Variants in MGAT4D observed in about 807,000 individuals in gnomAD.
The protein encoded by MGAT4D is MGAT4 family member D.
In MGAT4D, 34 loss-of-function variants were observed where a neutral mutation model predicts 15.9. That is an observed-to-expected ratio of 2.14 (90% CI 1.62 to 2.84). The LOEUF is 2.84. Ranked by LOEUF, MGAT4D falls within the 30% of genes most tolerant of loss-of-function variation. The pLI, the probability that MGAT4D is intolerant of heterozygous loss-of-function variation, is 0.00. For synonymous variants in MGAT4D, 112 were observed against 48.2 expected (o/e 2.33, Z -5.49); for missense variants, 327 against 140.2 (o/e 2.33, Z -6.73).
intron 1 of MGAT4D, among the ~76,000 whole-genome samples, chr4:140,486,591 T>C (rs1733151410): frequency 1.3e-5 from 2 of 152,202 alleles, no homozygotes; most frequent in Admixed American, 1.3e-4. Flanking sequence ...TCATATTATG[T>C]ATTGACTGCT....
chr4:140,456,287 T>C (rs1730793536), intron 9 of MGAT4D, among the ~76,000 whole-genome samples: 1 of 152,190 alleles, frequency 6.6e-6, no homozygotes, highest in Admixed American at 6.5e-5. Context: ...CCTGATGAAC[T>C]CTTAATAGTG....
intron 8 of MGAT4D, chr4:140,458,071 C>T (rs1260204773): frequency 8.5e-5 from 13 of 152,162 alleles, no homozygotes; most frequent in African/African-American, 2.2e-4. Context: ...CGAACTTTTA[C>T]GCACTGCTTA....
intron 3 of MGAT4D, among the ~76,000 whole-genome samples, chr4:140,479,110 T>C (rs1732527163): frequency 1.3e-5 from 2 of 152,212 alleles, no homozygotes; most frequent in Non-Finnish European, 1.5e-5. Context: ...AAACATCACC[T>C]GTTGTATAAG....
At chr4:140,492,457 G>C (rs1733560897) in intron 1 of MGAT4D, among the ~76,000 whole-genome samples, 1 of 152,094 alleles carries the variant, frequency 6.6e-6, no homozygotes, top group African/African-American at 2.4e-5. Context: ...GGTGAAACCT[G>C]TCTCTATGAA....
At chr4:140,443,656 G>T (rs919231424) in intron 10 of MGAT4D, among the ~76,000 whole-genome samples, 1 of 152,012 alleles carries the variant, frequency 6.6e-6, no homozygotes, top group Admixed American at 6.6e-5. Context: ...ATACTCTTAC[G>T]TTGTTAAAAT....
intron 8 of MGAT4D, chr4:140,457,552 G>A (rs1355382358): frequency 7.9e-5 from 12 of 152,086 alleles, no homozygotes; most frequent in Non-Finnish European, 1.8e-4. Context: ...CTGTCACCAT[G>A]CTGTAAAATT....
At chr4:140,470,220 G>A (rs1178245595) in intron 5 of MGAT4D, among the ~76,000 whole-genome samples, 1 of 152,136 alleles carries the variant, frequency 6.6e-6, no homozygotes, top group Non-Finnish European at 1.5e-5. Flanking sequence ...TCCTCTATTT[G>A]AACGACCAGG....
chr4:140,451,013 G>A (rs1278716507), intron 10 of MGAT4D, among the ~76,000 whole-genome samples: 2 of 152,136 alleles, frequency 1.3e-5, no homozygotes, highest in African/African-American at 4.8e-5. Flanking sequence ...ACGAACAGTG[G>A]TCTGAAATAA....
chr4:140,494,098 T>C (rs1578729605), intron 1 of MGAT4D, among the ~76,000 whole-genome samples: 2 of 152,312 alleles, frequency 1.3e-5, no homozygotes, highest in African/African-American at 2.4e-5. Context: ...ATTGGTTACC[T>C]GATGTACTTG....
At chr4:140,449,559 AC>A (rs1463073986) in intron 10 of MGAT4D, among the ~76,000 whole-genome samples, 1 of 152,154 alleles carries the variant, frequency 6.6e-6, no homozygotes, top group Non-Finnish European at 1.5e-5. Context: ...GGAGATCAAG[AC>A]CATCCTGGCT....
chr4:140,464,758 A>G, intron 6 of MGAT4D, 138 bp downstream of exon 6: 1 of 599,298 alleles, frequency 1.7e-6, no homozygotes, highest in Non-Finnish European at 3.0e-6. Context: ...AGTGATGCAC[A>G]TAGTTGGGTC....
At chr4:140,464,839 A>G in intron 6 of MGAT4D, 57 bp downstream of exon 6, 1 of 695,300 alleles carries the variant, frequency 1.4e-6, no homozygotes. Context: ...AGCTGATTCC[A>G]AGATTTTATC....
intron 5 of MGAT4D, among the ~76,000 whole-genome samples, chr4:140,467,183 T>G (rs771658805): frequency 6.6e-6 from 1 of 151,944 alleles, no homozygotes; most frequent in Non-Finnish European, 1.5e-5. Flanking sequence ...TTATGATATA[T>G]CAAATGAAAA....
intron 1 of MGAT4D, among the ~76,000 whole-genome samples, chr4:140,485,985 T>G (rs1374838006): frequency 2.0e-5 from 3 of 152,014 alleles, no homozygotes; most frequent in African/African-American, 7.3e-5. Flanking sequence ...CTCCAAAATA[T>G]TTCTCATCAC....
At chr4:140,457,920 GA>G (rs929527469) in intron 8 of MGAT4D, 1 of 152,036 alleles carries the variant, frequency 6.6e-6, no homozygotes, top group African/African-American at 2.4e-5. Flanking sequence ...CAGAAAACAT[GA>G]AAAACAAAAG....
At chr4:140,479,762 TG>T (rs1463489897) in intron 2 of MGAT4D, 135 bp from the exon 3 acceptor site, 1 of 300,262 alleles carries the variant, frequency 3.3e-6, no homozygotes, top group African/African-American at 2.1e-5. Context: ...TACTCTAAAA[TG>T]TAAATTATTA....
chr4:140,443,649 C>T (rs971446298), intron 10 of MGAT4D, among the ~76,000 whole-genome samples: 4 of 152,042 alleles, frequency 2.6e-5, no homozygotes, highest in African/African-American at 7.2e-5. Context: ...AATTTTAATA[C>T]TCTTACGTTG....
chr4:140,476,827 C>T (rs555051140), intron 3 of MGAT4D, among the ~76,000 whole-genome samples: 1 of 152,088 alleles, frequency 6.6e-6, no homozygotes, highest in Non-Finnish European at 1.5e-5. Flanking sequence ...AATCCTTTCA[C>T]CAGCTATGAA....
chr4:140,478,321 C>T (rs1487130610), intron 3 of MGAT4D, among the ~76,000 whole-genome samples: 22 of 152,160 alleles, frequency 1.4e-4, no homozygotes, highest in Admixed American at 1.4e-3. Flanking sequence ...TGGGCTTCCA[C>T]TTACATTTGC....
Sources: gnomAD v4.1 joint callset for allele counts (sites outside exome capture counted in the v4.1 genomes callset) on GRCh38, gnomAD v4.1.1 for gene constraint, MANE v1.5 for transcripts, NCBI Gene and HGNC (gene_info 2026-07-23, HGNC 2026-07-21) for gene names.